The following SLC5A6 variants were observed in gnomAD, a reference collection of about 807,000 sequenced individuals.
The protein encoded by SLC5A6 is sodium-dependent multivitamin transporter.
Under a neutral mutation model 67.9 loss-of-function variants are expected in SLC5A6, and 31 were observed. That is an observed-to-expected ratio of 0.46 (90% confidence interval 0.34 to 0.62). The LOEUF (loss-of-function observed/expected upper bound fraction) is 0.62, where lower values mean the gene tolerates loss of function less well. Among genes scored for constraint, SLC5A6 ranks in the 20% least tolerant of loss-of-function variants. SLC5A6 has a pLI of 0.01. For synonymous variants in SLC5A6, 343 were observed against 331.0 expected (o/e 1.04, Z -0.39); for missense variants, 673 against 812.8 (o/e 0.83, Z 2.09).
In SLC5A6 at chr2:27,207,855, G is replaced by A. The variant is rs956180348; in HGVS notation, c.-140-65C>T. 3 of 589,248 alleles carry A rather than the reference G, an allele frequency of 5.1e-6. No homozygotes were observed. Among genetic ancestry groups the A allele is most frequent in the Non-Finnish European group, 9.0e-6 (3 of 332,852 alleles). The allele number at this position is 589,248 out of a possible 1,614,324, so 36.5% of individuals were successfully genotyped here. A position where few individuals can be genotyped will look rare whatever the true frequency, so the allele number is the denominator to read the frequency against. ...TGGTAGCCATTCACCCTTGGGCCTT[G>A]TACATCGCATGCCATCAGAAGTGGA... On this transcript the variant is annotated intron_variant, in intron 2 of 16. Coordinates refer to ENST00000310574, the MANE Select transcript of SLC5A6 (RefSeq NM_021095.4). This position sits in a 1 kb window ranked among gnomAD's most constrained non-coding sequence, Gnocchi z 5.5.
In SLC5A6 at chr2:27,204,925, A is replaced by T. The variant is rs1319503262; in HGVS notation, c.741T>A (p.Asp247Glu). Residue 247 changes from aspartate to glutamate, a missense_variant, in exon 8 of 17, where the codon GAT becomes GAA. Asp to Glu is a conservative substitution (Grantham distance 45). Coordinates refer to ENST00000310574, the MANE Select transcript of SLC5A6 (RefSeq NM_021095.4). ...QHGRISGFEL[D>E]PDPFVRHTFW... ...AGGTGTGCCGCACAAAGGGGTCTGG[A>T]TCCAGCCTGTAACAGACACCACCCA... 1 of 1,613,180 alleles carries T rather than the reference A, an allele frequency of 6.2e-7. No individual in the cohort carries two copies. The highest frequency in any genetic ancestry group is 8.5e-7 in the Non-Finnish European group (1 of 1,180,022).
At position 27,204,869 on chromosome 2, in the gene SLC5A6, A is replaced by G. The variant is rs1673931824; in HGVS notation, c.797T>C (p.Met266Thr). 6.2e-7 allele frequency: 1 copy of G among 1,614,040 alleles called. No homozygotes were observed. Among genetic ancestry groups the G allele is most frequent in the African/African-American group, 1.3e-5 (1 of 74,918 alleles). Residue 266 changes from methionine to threonine, a missense_variant, in exon 8 of 17, where the codon ATG (methionine) becomes ACG (threonine). Met to Thr is a moderately conservative substitution (Grantham distance 81). Transcript: ENST00000310574. ...GTTCACCCCGTATAAGGAGAGCATC[A>G]TGAAGACACCCCCGAAGGCCAAGGT... Reference protein sequence around the residue: ...FWTLAFGGVFMMLSLYGVNQA... With the variant: ...FWTLAFGGVFTMLSLYGVNQA...
intron 12 of SLC5A6, among the ~76,000 whole-genome samples, chr2:27,202,394 C>T (rs1241056003): frequency 6.8e-6 from 1 of 147,550 alleles, no homozygotes; most frequent in African/African-American, 2.5e-5. Flanking sequence ...CCCTCAGCTA[C>T]TTAGGAGGCT....
chr2:27,210,090 G>A (rs964812512), intron 2 of SLC5A6, among the ~76,000 whole-genome samples: 25 of 152,220 alleles, frequency 1.6e-4, no homozygotes, highest in African/African-American at 5.3e-4. Flanking sequence ...GTGGTTTAGA[G>A]AGGTAGGTGG....
rs1455582066 is a variant in SLC5A6, at chr2:27,207,559, A to G, written c.92T>C (p.Val31Ala). 2 of 1,614,206 alleles carry G rather than the reference A, an allele frequency of 1.2e-6. No homozygotes were observed. The highest frequency in any genetic ancestry group is 1.7e-6 in the Non-Finnish European group (2 of 1,180,036). Reference sequence around the variant, plus strand: ...AGAGAGAACCAGCAGCAGGACGAACACCACATAGTCCATGATGGAGAAGGT... The same window carrying G: ...AGAGAGAACCAGCAGCAGGACGAACGCCACATAGTCCATGATGGAGAAGGT... ...MSTFSIMDYV[V>A]FVLLLVLSLA... Residue 31 changes from valine to alanine, a missense_variant, in exon 3 of 17, where the codon GTG (valine) becomes GCG (alanine). Physicochemically the swap from Val to Ala is moderately conservative, Grantham distance 64 (BLOSUM62 0). Coordinates refer to ENST00000310574, the MANE Select transcript of SLC5A6 (RefSeq NM_021095.4). The surrounding 1 kb of genome is among the most constrained non-coding windows in gnomAD (Gnocchi z 5.5).
Position 27,209,401 on chromosome 2 carries a change from A to G in SLC5A6, c.-140-1611T>C, listed in dbSNP as rs138772608. Among the ~76,000 whole-genome samples the G allele has an allele frequency of 1.0e-3, 158 of 152,356 alleles. 1 individual carries two copies. The East Asian group carries it at 0.015, about 15-fold the overall frequency. ...GAGGTGCTTTATAAACATTAGTAAT[A>G]ATACATAATGAAGCTAACATTTTCA... On this transcript the variant is annotated intron_variant, in intron 2 of 16. Transcript: ENST00000310574.
Position 27,201,097 on chromosome 2 carries a change from C to T in SLC5A6, c.1665G>A (p.Arg555=). ...VSLLTGRMRG[R]SLNPATIYPV... is the part of the protein sequence containing the mutation. ...GGTAAATGGTTGCAGGGTTCAGGGA[C>T]CGGCCTCGCATTCTCCCTGAATGGA... is the stretch of plus-strand genomic sequence containing the variant. Residue 555 remains arginine, a synonymous_variant, in exon 16 of 17, where the codon CGG becomes CGA. Transcript: ENST00000310574. 1 of 1,612,680 alleles carries T rather than the reference C, an allele frequency of 6.2e-7. No homozygotes were observed. The highest frequency in any genetic ancestry group is 2.2e-5 in the East Asian group (1 of 44,868).
chr2:27,212,560 C>G, upstream of SLC5A6: 1 of 1,488,778 alleles, frequency 6.7e-7, no homozygotes, highest in Non-Finnish European at 8.9e-7. Flanking sequence ...CTCGGCGGGC[C>G]TGCGGTTCTG....
chr2:27,205,081 G>GA, intron 7 of SLC5A6, 150 bp from the exon 8 acceptor site: 3 of 883,160 alleles, frequency 3.4e-6, no homozygotes, highest in Non-Finnish European at 3.5e-6. Flanking sequence ...GTGCACTCGA[G>GA]AGACAGCACA....
rs777709686 is a variant in SLC5A6 at position 27,207,629 on chromosome 2, A to C, written c.22T>G (p.Ser8Ala). Residue 8 changes from serine to alanine, a missense_variant, in exon 3 of 17, where the codon TCA becomes GCA. Ser to Ala is a moderately conservative substitution (Grantham distance 99). Transcript: ENST00000310574. The surrounding 1 kb of genome is among the most constrained non-coding windows in gnomAD (Gnocchi z 5.5). Reference protein sequence around the residue: MSVGVSTSAPLSPTSGTS... With the variant: MSVGVSTAAPLSPTSGTS... ...CCCGAGGTTGGGGAAAGAGGGGCTG[A>C]GGTGCTCACCCCTACACTCATATCC... is the stretch of plus-strand genomic sequence containing the variant. 8.1e-6 allele frequency: 13 copies of C among 1,613,900 alleles called. No individual in the cohort carries two copies. The South Asian group carries it at 1.4e-4, about 18-fold the overall frequency.
In SLC5A6 at chr2:27,202,081, G is replaced by C. The variant is rs1043434686; in HGVS notation, c.1276-7C>G. On this transcript the variant is annotated splice_polypyrimidine_tract_variant and splice_region_variant and intron_variant, in intron 12 of 16. Coordinates refer to ENST00000310574, the MANE Select transcript of SLC5A6 (RefSeq NM_021095.4). The stretch of plus-strand genomic sequence containing the variant: ...CAAAGATGCTGATTGCTGCCTAGGA[G>C]GACAGGGTGAGAAGAAAAGGAAAAA... The C allele has an allele frequency of 1.9e-6, 3 of 1,607,580 alleles. No individual in the cohort carries two copies. The African/African-American group carries it at 4.0e-5, about 21-fold the overall frequency.
chr2:27,210,435 C>T (rs1479914307), intron 2 of SLC5A6, among the ~76,000 whole-genome samples: 2 of 151,716 alleles, frequency 1.3e-5, no homozygotes, highest in Admixed American at 6.6e-5. Flanking sequence ...GGGACCCCCC[C>T]CCCTTTTTTT....
intron 12 of SLC5A6, 148 bp from the exon 13 acceptor site, chr2:27,202,222 G>A: frequency 1.4e-6 from 1 of 700,750 alleles, no homozygotes; most frequent in Admixed American, 2.1e-5. Context: ...CTCCAGAGGT[G>A]GCCGAGCGGT....
At chr2:27,211,078 C>G (rs1231084233) in intron 2 of SLC5A6, among the ~76,000 whole-genome samples, 1 of 152,210 alleles carries the variant, frequency 6.6e-6, no homozygotes, top group East Asian at 1.9e-4. Flanking sequence ...TCACACACTG[C>G]AGTGGATCGC....
intron 14 of SLC5A6, 67 bp downstream of exon 14, chr2:27,201,599 A>C: frequency 6.6e-7 from 1 of 1,524,162 alleles, no homozygotes; most frequent in Non-Finnish European, 9.0e-7. Flanking sequence ...ATCCCTTAGC[A>C]AGACCCCTGT....
chr2:27,201,388 G>A lies in SLC5A6; in HGVS notation c.1610C>T (p.Thr537Ile), dbSNP rs775137520. 20 of 1,613,212 alleles carry A rather than the reference G, an allele frequency of 1.2e-5. No individual in the cohort carries two copies. The highest frequency in any genetic ancestry group is 1.7e-5 in the Non-Finnish European group (20 of 1,179,328). Residue 537 changes from threonine to isoleucine, a missense_variant, in exon 15 of 17, where the codon ACA becomes ATA. Transcript: ENST00000310574. ...YLWYSAHNSTTVIVVGLIVSL... is the reference protein window; with the variant it reads ...YLWYSAHNSTIVIVVGLIVSL... The stretch of plus-strand genomic sequence containing the variant: ...GACAATCAGGCCCACCACAATCACT[G>A]TGGTGGAGTTGTGAGCACTGTACCA...
At chr2:27,203,084 A>G (rs1673777697) in intron 11 of SLC5A6, 149 bp downstream of exon 11, 2 of 1,498,614 alleles carry the variant, frequency 1.3e-6, no homozygotes, top group East Asian at 4.8e-5. Context: ...CTGAGATGGA[A>G]ACAACCATGC....
At chr2:27,208,855 A>C (rs945712170) in intron 2 of SLC5A6, among the ~76,000 whole-genome samples, 4 of 152,200 alleles carry the variant, frequency 2.6e-5, no homozygotes, top group African/African-American at 9.7e-5. Flanking sequence ...GCTCATATTC[A>C]ACAGCATTCC....
chr2:27,210,319 C>G lies in SLC5A6; in HGVS notation c.-141+1148G>C, dbSNP rs148460930. The stretch of plus-strand genomic sequence containing the variant: ...GTTTTCTAAACACCCTACATTGATC[C>G]AAACGCTATGGTCTCGCATCTCTCC... On this transcript the variant is annotated intron_variant, in intron 2 of 16. Coordinates refer to ENST00000310574, the MANE Select transcript of SLC5A6 (RefSeq NM_021095.4). Among the ~76,000 whole-genome samples the G allele has an allele frequency of 4.0e-3, 610 of 152,308 alleles. 5 individuals carry two copies. The highest frequency in any genetic ancestry group is 0.014 in the African/African-American group (583 of 41,568).
Sources: gnomAD v4.1 joint callset for allele counts (sites outside exome capture counted in the v4.1 genomes callset) on GRCh38, gnomAD v4.1.1 for gene constraint, Gnocchi (gnomAD v3.1) non-coding constraint, MANE v1.5 for transcripts, NCBI Gene and HGNC (gene_info 2026-07-23, HGNC 2026-07-21) for gene names.